ARID5B: variants seen among roughly 807,000 people sequenced by gnomAD.
ARID5B encodes AT-rich interaction domain 5B.
Under a neutral mutation model 97.2 loss-of-function variants are expected in ARID5B, and 13 were observed. That is an observed-to-expected ratio of 0.13 (90% CI 0.09 to 0.21). ARID5B has a LOEUF of 0.21. Ranked by LOEUF, ARID5B falls within the 10% of genes least tolerant of loss-of-function variation. The pLI is 1.00. For missense variants in ARID5B, 1,210 were observed against 1,465.3 expected (o/e 0.83, Z 2.84); for synonymous variants, 556 against 570.3 (o/e 0.97, Z 0.36).
rs1438476746 is a variant in ARID5B, at chr10:62,093,734, GCTGA to G, written c.*712_*715del. 4.4e-6 allele frequency: 1 copy of G among 225,086 alleles called. No homozygotes were observed. The highest frequency in any genetic ancestry group is 2.4e-5 in the African/African-American group (1 of 42,492). The allele number at this position is 225,086 out of a possible 1,614,324, so 13.9% of individuals were successfully genotyped here. The stretch of plus-strand genomic sequence containing the variant: ...TTTTTGTTTTTGTTTTGTTTTTGAG[GCTGA>G]CTGACTGTCCTAGTTGTTGTGTGTT... On this transcript the variant is annotated 3_prime_UTR_variant, in exon 10 of 10. Transcript: ENST00000279873.
intron 2 of ARID5B, among the ~76,000 whole-genome samples, chr10:61,910,825 G>T (rs1289278154): frequency 6.6e-6 from 1 of 152,216 alleles, no homozygotes; most frequent in Non-Finnish European, 1.5e-5. Flanking sequence ...ACGCAGACTA[G>T]GATGGGTGGT....
intron 4 of ARID5B, among the ~76,000 whole-genome samples, chr10:62,024,003 A>T (rs1320470037): frequency 3.3e-5 from 5 of 152,246 alleles, no homozygotes; most frequent in African/African-American, 4.8e-5. Flanking sequence ...CCCCCTCTGC[A>T]GCTTCACTTT....
At chr10:61,905,597 C>A (rs77271271) in intron 2 of ARID5B, among the ~76,000 whole-genome samples, 2 of 151,980 alleles carry the variant, frequency 1.3e-5, no homozygotes, top group Non-Finnish European at 2.9e-5. Flanking sequence ...AGAACCCAGG[C>A]CTCCTTGAAA....
chr10:62,037,661 T>C (rs1271204167), intron 4 of ARID5B, among the ~76,000 whole-genome samples: 1 of 152,222 alleles, frequency 6.6e-6, no homozygotes, highest in East Asian at 1.9e-4. Flanking sequence ...CCCCCTTCTT[T>C]ATTATTTTTC....
chr10:62,063,397 C>A (rs953914714), intron 7 of ARID5B, among the ~76,000 whole-genome samples: 3 of 152,012 alleles, frequency 2.0e-5, no homozygotes, highest in Non-Finnish European at 4.4e-5. Context: ...TAAAAAGAGG[C>A]CATCTTAATT....
chr10:62,042,911 T>A (rs1839658207), intron 4 of ARID5B, among the ~76,000 whole-genome samples: 1 of 29,384 alleles, frequency 3.4e-5, no homozygotes, highest in Non-Finnish European at 7.3e-5. Flanking sequence ...CGAGAGTCTG[T>A]CCCAAAAAAA....
intron 3 of ARID5B, among the ~76,000 whole-genome samples, chr10:61,976,945 G>T (rs1838708781): frequency 6.6e-6 from 1 of 151,390 alleles, no homozygotes; most frequent in Non-Finnish European, 1.5e-5. Flanking sequence ...GTGCCATGTT[G>T]GTGTGCTGCA....
chr10:62,087,320 G>GAAAAAAAAAAAAAA (rs1589292422), intron 9 of ARID5B, among the ~76,000 whole-genome samples: 3 of 76,014 alleles, frequency 3.9e-5, no homozygotes, highest in Admixed American at 2.7e-4. Flanking sequence ...AAAAAAAAAG[G>GAAAAAAAAAAAAAA]AAAAAAGATC....
intron 4 of ARID5B, among the ~76,000 whole-genome samples, chr10:62,010,494 C>G (rs947272862): frequency 9.9e-5 from 15 of 152,184 alleles, no homozygotes; most frequent in African/African-American, 3.1e-4. Context: ...CTTCAAATCT[C>G]CATCATCTTA....
Position 62,024,048 on chromosome 10 carries a change from G to A in ARID5B, c.733+23727G>A, listed in dbSNP as rs568795202. Among the ~76,000 whole-genome samples the A allele has an allele frequency of 1.7e-3, 262 of 152,320 alleles. 2 individuals are homozygous for A. Among genetic ancestry groups the A allele is most frequent in the African/African-American group, 6.1e-3 (255 of 41,580 alleles). ...ATTTCCCTAGTTTTAAAATGGGGATGATAATCCTCTCAGCACAGAGTGCCT... is the reference window on the plus strand; with the variant it reads ...ATTTCCCTAGTTTTAAAATGGGGATAATAATCCTCTCAGCACAGAGTGCCT... On this transcript the variant is annotated intron_variant, in intron 4 of 9. Coordinates refer to ENST00000279873, the MANE Select transcript of ARID5B (RefSeq NM_032199.3).
At chr10:61,902,091 G>A in intron 1 of ARID5B, 68 bp from the exon 2 acceptor site, 1 of 1,581,124 alleles carries the variant, frequency 6.3e-7, no homozygotes, top group East Asian at 2.2e-5. Flanking sequence ...GTGTAAATGT[G>A]TCTGGGAATA....
rs186791587 is a variant in ARID5B, at chr10:61,982,411, G to A, written c.503-17680G>A. Among the ~76,000 whole-genome samples the A allele has an allele frequency of 8.5e-5, 13 of 152,256 alleles. No individual in the cohort carries two copies. In the East Asian group the frequency reaches 1.9e-3, roughly 23 times the overall value. ...AGGCTCTGTTGAAGTGGAAACATAAGCCTCCATTAAAGTATAAGGGTTTGC... is the reference window on the plus strand; with the variant it reads ...AGGCTCTGTTGAAGTGGAAACATAAACCTCCATTAAAGTATAAGGGTTTGC... On this transcript the variant is annotated intron_variant, in intron 3 of 9. Transcript: ENST00000279873.
chr10:62,055,950 G>T (rs12269308), intron 5 of ARID5B, among the ~76,000 whole-genome samples: 1 of 152,114 alleles, frequency 6.6e-6, no homozygotes, highest in East Asian at 1.9e-4. Flanking sequence ...ATTTTTATTC[G>T]TAACATTTCC....
At chr10:61,982,522 G>A (rs982653807) in intron 3 of ARID5B, among the ~76,000 whole-genome samples, 11 of 152,114 alleles carry the variant, frequency 7.2e-5, no homozygotes, top group Non-Finnish European at 1.6e-4. Flanking sequence ...TTTTAAAGAA[G>A]GTGTGAGCAA....
chr10:61,996,262 TAC>T (rs1838994234), intron 3 of ARID5B, among the ~76,000 whole-genome samples: 1 of 152,134 alleles, frequency 6.6e-6, no homozygotes, highest in Admixed American at 6.5e-5. Context: ...GGCTGAATTC[TAC>T]AGTCTTACAT....
rs1840474663 is a variant in ARID5B at position 62,096,625 on chromosome 10, T to C, written c.*3595T>C. 2 of 233,612 alleles carry C rather than the reference T, an allele frequency of 8.6e-6. No homozygotes were observed. The highest frequency in any genetic ancestry group is 1.7e-5 in the Non-Finnish European group (2 of 117,994). 14.5% of individuals were successfully genotyped at this position (233,612 alleles called of 1,614,324 possible). On this transcript the variant is annotated 3_prime_UTR_variant, in exon 10 of 10. Coordinates refer to ENST00000279873, the MANE Select transcript of ARID5B (RefSeq NM_032199.3). ...TTAAACTTTCCTGTGTTGTAAATATTGTATACTTTTGGTGATTCCAGCTAT... is the reference window on the plus strand; with the variant it reads ...TTAAACTTTCCTGTGTTGTAAATATCGTATACTTTTGGTGATTCCAGCTAT...
At chr10:61,971,367 A>G (rs141644794) in intron 3 of ARID5B, among the ~76,000 whole-genome samples, 2 of 152,294 alleles carry the variant, frequency 1.3e-5, no homozygotes, top group East Asian at 3.9e-4. Context: ...TTTCACAGCC[A>G]CCCTTTGAAC....
intron 3 of ARID5B, among the ~76,000 whole-genome samples, chr10:61,970,492 T>C (rs1024021610): frequency 3.3e-5 from 5 of 152,232 alleles, no homozygotes; most frequent in Non-Finnish European, 7.3e-5. Context: ...GAAGGATTAT[T>C]GTGTCTGTTT....
intron 3 of ARID5B, among the ~76,000 whole-genome samples, chr10:61,955,006 C>CAAAAA (rs374587937): frequency 7.6e-6 from 1 of 130,882 alleles, no homozygotes; most frequent in African/African-American, 2.9e-5. Context: ...AACTCCATCT[C>CAAAAA]AAAAAAAAAA....
Sources: allele counts gnomAD v4.1 joint callset (sites outside exome capture counted in the v4.1 genomes callset), GRCh38; gene constraint gnomAD v4.1.1; transcripts MANE v1.5; gene names NCBI Gene and HGNC (gene_info 2026-07-23, HGNC 2026-07-21).